The following SLC13A3 variants were observed in gnomAD, a reference collection of about 807,000 sequenced individuals.
The protein encoded by SLC13A3 is solute carrier family 13 member 3, also known as Na(+)/dicarboxylate cotransporter 3.
Under a neutral mutation model 59.0 loss-of-function variants are expected in SLC13A3, and 40 were observed. That is an observed-to-expected ratio of 0.68 (90% confidence interval 0.53 to 0.88). The LOEUF (loss-of-function observed/expected upper bound fraction) is 0.88, where lower values mean the gene tolerates loss of function less well. SLC13A3 is among the 40% of genes least tolerant of loss of function. SLC13A3 has a pLI of 0.00. For synonymous variants in SLC13A3, 317 were observed against 330.3 expected (o/e 0.96, Z 0.44); for missense variants, 699 against 783.2 (o/e 0.89, Z 1.28).
At chr20:46,653,390 A>T (rs1038045061), upstream of SLC13A3, among the ~76,000 whole-genome samples, 4 of 152,182 alleles carry the variant, frequency 2.6e-5, no homozygotes, top group Non-Finnish European at 4.4e-5. Context: ...GAATACAGTC[A>T]TGGGTTCTTA....
chr20:46,674,604 C>CGCGTGTGTGTGTGT (rs370861850), upstream of SLC13A3, among the ~76,000 whole-genome samples: 34 of 127,952 alleles, frequency 2.7e-4, no homozygotes, highest in South Asian at 8.1e-4. Context: ...CGCGCGCGCG[C>CGCGTGTGTGTGTGT]GTGTGTGTGT....
intron 1 of SLC13A3, among the ~76,000 whole-genome samples, chr20:46,666,994 A>C (rs2063066005): frequency 6.6e-6 from 1 of 152,094 alleles, no homozygotes; most frequent in Admixed American, 6.6e-5. Context: ...AGACTACGAG[A>C]TAGCAAGAGA....
intron 1 of SLC13A3, among the ~76,000 whole-genome samples, chr20:46,622,727 G>A (rs768054738): frequency 6.6e-6 from 1 of 151,540 alleles, no homozygotes; most frequent in South Asian, 2.1e-4. Context: ...TAGCTTCCCT[G>A]CTAGGGACAC....
intron 1 of SLC13A3, among the ~76,000 whole-genome samples, chr20:46,619,241 G>A (rs1316085766): frequency 6.6e-6 from 1 of 152,142 alleles, no homozygotes; most frequent in Admixed American, 6.5e-5. Context: ...AGCCTCTTTT[G>A]TATTTGAGTC....
At chr20:46,563,632 G>GAGAGAGAGA in intron 11 of SLC13A3, 81 bp from the exon 12 acceptor site, 34 of 1,454,830 alleles carry the variant, frequency 2.3e-5, no homozygotes, top group Non-Finnish European at 3.0e-5. Context: ...GAGAGAGAGA[G>GAGAGAGAGA]GCAGTTGGAA....
chr20:46,679,189 G>A (rs1002196019), intron 1 of SLC13A3, among the ~76,000 whole-genome samples: 4 of 152,184 alleles, frequency 2.6e-5, no homozygotes, highest in Admixed American at 6.5e-5. Flanking sequence ...ATCAGGAACC[G>A]ATCTGACCTT....
intron 8 of SLC13A3, chr20:46,585,597 G>A (rs2062182914): frequency 6.8e-6 from 8 of 1,177,430 alleles, no homozygotes; most frequent in South Asian, 3.3e-5. Context: ...TATGCAGTCC[G>A]ATAACAGCGT....
At chr20:46,566,471 C>A in intron 10 of SLC13A3, 81 bp from the exon 11 acceptor site, 1 of 1,472,890 alleles carries the variant, frequency 6.8e-7, no homozygotes, top group African/African-American at 1.4e-5. Context: ...TAGATCACAA[C>A]AATGACGACC....
At chr20:46,676,778 C>G (rs992748921) in intron 1 of SLC13A3, among the ~76,000 whole-genome samples, 4 of 152,004 alleles carry the variant, frequency 2.6e-5, no homozygotes, top group African/African-American at 9.7e-5. Context: ...TAATAGAATT[C>G]CTGGGCTGCG....
intron 1 of SLC13A3, among the ~76,000 whole-genome samples, chr20:46,629,477 C>T (rs1445437540): frequency 6.6e-6 from 1 of 152,158 alleles, no homozygotes; most frequent in African/African-American, 2.4e-5. Context: ...TTAAAGATTC[C>T]AATATTGTTT....
chr20:46,594,347 T>C (rs1024798763), intron 5 of SLC13A3, among the ~76,000 whole-genome samples: 1 of 152,104 alleles, frequency 6.6e-6, no homozygotes, highest in Non-Finnish European at 1.5e-5. Flanking sequence ...TCATTTCAGG[T>C]TGGAACAAAG....
At chr20:46,616,906 C>A (rs1016985924) in intron 1 of SLC13A3, among the ~76,000 whole-genome samples, 2 of 152,200 alleles carry the variant, frequency 1.3e-5, no homozygotes, top group Non-Finnish European at 2.9e-5. Context: ...TGAAGACATA[C>A]AACTTTGGAG....
At chr20:46,639,802 C>G (rs536656431) in intron 1 of SLC13A3, among the ~76,000 whole-genome samples, 1 of 152,334 alleles carries the variant, frequency 6.6e-6, no homozygotes, top group South Asian at 2.1e-4. Context: ...AGATGCTGGG[C>G]AAATGGCTTA....
At chr20:46,622,616 G>GTA (rs1481710297) in intron 1 of SLC13A3, among the ~76,000 whole-genome samples, 2 of 73,712 alleles carry the variant, frequency 2.7e-5, no homozygotes, top group African/African-American at 1.1e-4. Flanking sequence ...GGTGTGTGGT[G>GTA]TGTGCGTGTG....
intron 6 of SLC13A3, among the ~76,000 whole-genome samples, chr20:46,590,560 C>T (rs1488560618): frequency 2.0e-5 from 3 of 152,162 alleles, no homozygotes; most frequent in Non-Finnish European, 4.4e-5. Context: ...TATGAACAAA[C>T]TTTTCATATG....
At chr20:46,634,873 G>A (rs942649917) in intron 1 of SLC13A3, among the ~76,000 whole-genome samples, 2 of 152,134 alleles carry the variant, frequency 1.3e-5, no homozygotes, top group Non-Finnish European at 2.9e-5. Context: ...TCCCATCATG[G>A]AGCGGCATGG....
chr20:46,572,414 C>T (rs1485494552), intron 10 of SLC13A3, among the ~76,000 whole-genome samples: 1 of 152,216 alleles, frequency 6.6e-6, no homozygotes. Flanking sequence ...CAGGGCTGGG[C>T]TCAGAGCCAG....
intron 2 of SLC13A3, among the ~76,000 whole-genome samples, chr20:46,611,824 C>T (rs764095096): frequency 2.0e-5 from 3 of 152,022 alleles, no homozygotes; most frequent in Admixed American, 6.6e-5. Context: ...GGAAATGAGA[C>T]GTATTTGAAA....
upstream of SLC13A3, among the ~76,000 whole-genome samples, chr20:46,653,413 G>C (rs1490519786): frequency 1.3e-5 from 2 of 152,118 alleles, no homozygotes; most frequent in African/African-American, 4.8e-5. Flanking sequence ...TTCTGTTTCT[G>C]GTTGGGCCAG....
Sources: allele counts gnomAD v4.1 joint callset (sites outside exome capture counted in the v4.1 genomes callset), GRCh38; gene constraint gnomAD v4.1.1; transcripts MANE v1.5; gene names NCBI Gene and HGNC (gene_info 2026-07-23, HGNC 2026-07-21).